The following ENTREP1 variants were observed in gnomAD, a reference collection of about 807,000 sequenced individuals.
ENTREP1 encodes Friedreich ataxia region gene X123.
the ENTREP1 span, among the ~76,000 whole-genome samples, chr9:69,341,847 G>T: frequency 6.6e-6 from 1 of 151,992 alleles, no homozygotes; most frequent in Non-Finnish European, 1.5e-5. Flanking sequence ...ACAAAACCTG[G>T]ATTTTAATGC....
chr9:69,328,052 C>T, the ENTREP1 span, among the ~76,000 whole-genome samples: 2 of 152,256 alleles, frequency 1.3e-5, no homozygotes, highest in Non-Finnish European at 2.9e-5. Flanking sequence ...TTAAAAACCT[C>T]GTGTTATGGA....
the ENTREP1 span, chr9:69,383,956 T>G: frequency 6.2e-7 from 1 of 1,613,860 alleles, no homozygotes; most frequent in Non-Finnish European, 8.5e-7. Context: ...GGGATCTTCA[T>G]TCCAAATGTC....
chr9:69,377,337 G>A, the ENTREP1 span: 4 of 1,164,166 alleles, frequency 3.4e-6, no homozygotes, highest in Non-Finnish European at 5.2e-6. Flanking sequence ...GTTTGTTGAA[G>A]TACTTAGTGG....
At chr9:69,340,668 T>C in the ENTREP1 span, among the ~76,000 whole-genome samples, 559 of 142,342 alleles carry the variant, frequency 3.9e-3, 11 homozygotes, top group African/African-American at 0.014. Flanking sequence ...TGTGTGTGCG[T>C]GTGTGTGTGC....
At chr9:69,339,141 T>C in the ENTREP1 span, among the ~76,000 whole-genome samples, 1 of 152,112 alleles carries the variant, frequency 6.6e-6, no homozygotes, top group Non-Finnish European at 1.5e-5. Context: ...CAGCTTAGTC[T>C]CCTGAGTAGC....
At chr9:69,352,097 T>C in the ENTREP1 span, among the ~76,000 whole-genome samples, 1 of 152,024 alleles carries the variant, frequency 6.6e-6, no homozygotes, top group South Asian at 2.1e-4. Flanking sequence ...GACATCTAGG[T>C]CCTTCTTTTT....
At chr9:69,385,315 T>C in the ENTREP1 span, among the ~76,000 whole-genome samples, 5 of 152,194 alleles carry the variant, frequency 3.3e-5, no homozygotes, top group Non-Finnish European at 7.3e-5. Flanking sequence ...AGCGGGGTTT[T>C]ACGGATTTGT....
At chr9:69,338,743 C>A in the ENTREP1 span, among the ~76,000 whole-genome samples, 1 of 152,164 alleles carries the variant, frequency 6.6e-6, no homozygotes, top group Non-Finnish European at 1.5e-5. Context: ...TATGAGGAGT[C>A]TACATGCTTA....
the ENTREP1 span, among the ~76,000 whole-genome samples, chr9:69,335,987 A>T: frequency 2.6e-5 from 4 of 152,252 alleles, no homozygotes; most frequent in African/African-American, 4.8e-5. Flanking sequence ...CTGTCTTTAA[A>T]AACAAAACAA....
the ENTREP1 span, chr9:69,377,234 C>CT: frequency 1.5e-6 from 1 of 671,630 alleles, no homozygotes; most frequent in African/African-American, 1.8e-5. Flanking sequence ...CAAACACCAT[C>CT]TAAGTCCTTT....
At chr9:69,383,900 G>T in the ENTREP1 span, 2 of 1,574,468 alleles carry the variant, frequency 1.3e-6, no homozygotes, top group Non-Finnish European at 1.7e-6. Context: ...CTAATGAGGG[G>T]TGAGTTAAAC....
At chr9:69,371,741 GA>G in the ENTREP1 span, 1 of 662,146 alleles carries the variant, frequency 1.5e-6, no homozygotes, top group Non-Finnish European at 2.7e-6. Flanking sequence ...AGGGAAGTGG[GA>G]AAACAAAACA....
chr9:69,364,209 ACT>A, the ENTREP1 span, among the ~76,000 whole-genome samples: 3 of 152,116 alleles, frequency 2.0e-5, no homozygotes, highest in African/African-American at 7.2e-5. Flanking sequence ...ATTTTAGGTG[ACT>A]CTCTTAATAA....
the ENTREP1 span, among the ~76,000 whole-genome samples, chr9:69,340,600 TG>T: frequency 4.6e-5 from 4 of 87,568 alleles, no homozygotes; most frequent in Non-Finnish European, 1.0e-4. Flanking sequence ...TGTGCATGCA[TG>T]TGTGTGTGTG....
the ENTREP1 span, among the ~76,000 whole-genome samples, chr9:69,340,765 G>GTGTGTGTGCA: frequency 1.7e-4 from 21 of 121,930 alleles, no homozygotes; most frequent in Non-Finnish European, 1.7e-4. Context: ...GTGCGTGCAT[G>GTGTGTGTGCA]TGTGTGTGTG....
At chr9:69,375,733 A>C in the ENTREP1 span, 2 of 1,610,038 alleles carry the variant, frequency 1.2e-6, no homozygotes, top group Non-Finnish European at 1.7e-6. Context: ...TTCCTCCGTT[A>C]AGGTGGACTT....
At chr9:69,340,747 T>G in the ENTREP1 span, among the ~76,000 whole-genome samples, 491 of 26,638 alleles carry the variant, frequency 0.018, 8 homozygotes, top group African/African-American at 0.056. Flanking sequence ...GTGTGTGTGT[T>G]TGTGTGTGTG....
At chr9:69,352,191 A>C in the ENTREP1 span, among the ~76,000 whole-genome samples, 7 of 152,072 alleles carry the variant, frequency 4.6e-5, no homozygotes, top group Non-Finnish European at 8.8e-5. Flanking sequence ...ATCTCAGCTC[A>C]CTGCAACCTC....
At chr9:69,389,346 A>G in the ENTREP1 span, among the ~76,000 whole-genome samples, 2 of 152,174 alleles carry the variant, frequency 1.3e-5, no homozygotes, top group South Asian at 4.1e-4. Flanking sequence ...TTTCAATTCA[A>G]ATTGAGTAAA....
Sources: gnomAD v4.1 joint callset for allele counts (sites outside exome capture counted in the v4.1 genomes callset) on GRCh38, gnomAD v4.1.1 for gene constraint, MANE v1.5 for transcripts, NCBI Gene and HGNC (gene_info 2026-07-23, HGNC 2026-07-21) for gene names.